The following ADRA1B variants were observed in gnomAD, a reference collection of about 807,000 sequenced individuals.
The protein encoded by ADRA1B is alpha-1B adrenergic receptor.
Under a neutral mutation model 17.9 loss-of-function variants are expected in ADRA1B, and 17 were observed. That is an observed-to-expected ratio of 0.95 (90% confidence interval 0.65 to 1.42). The LOEUF (loss-of-function observed/expected upper bound fraction) is 1.42. ADRA1B is among the 40% of genes most tolerant of loss of function. The pLI is 0.00. For synonymous variants in ADRA1B, 366 were observed against 327.6 expected, an observed-to-expected ratio of 1.12 and a Z score of -1.27; for missense variants, 681 against 722.1, an observed-to-expected ratio of 0.94 and a Z score of 0.65.
intron 1 of ADRA1B, chr5:159,947,600 T>C (rs556764046): frequency 1.6e-6 from 1 of 624,910 alleles, no homozygotes; most frequent in South Asian, 7.1e-5. Context: ...CCTTTTACAT[T>C]CTTTTTTTCA....
At chr5:159,941,958 T>C (rs1755143290) in intron 1 of ADRA1B, among the ~76,000 whole-genome samples, 1 of 148,158 alleles carries the variant, frequency 6.7e-6, no homozygotes, top group Admixed American at 6.8e-5. Flanking sequence ...AGTCTCGCTC[T>C]GTCACCCAGG....
intron 1 of ADRA1B, among the ~76,000 whole-genome samples, chr5:159,892,954 G>A (rs1000479593): frequency 6.6e-6 from 1 of 152,196 alleles, no homozygotes; most frequent in Non-Finnish European, 1.5e-5. Flanking sequence ...CCCACCAACT[G>A]TGTAAAATCA....
At chr5:159,958,556 G>T (rs532842468) in intron 1 of ADRA1B, among the ~76,000 whole-genome samples, 1 of 151,948 alleles carries the variant, frequency 6.6e-6, no homozygotes, top group African/African-American at 2.4e-5. Flanking sequence ...CATTGATCTG[G>T]ATATTTTTCT....
At chr5:159,948,373 T>G in intron 1 of ADRA1B, 1 of 985,418 alleles carries the variant, frequency 1.0e-6, no homozygotes, top group Non-Finnish European at 1.2e-6. Context: ...ATAACTCTCA[T>G]TTCAACATGA....
chr5:159,979,891 A>G, the ADRA1B span, among the ~76,000 whole-genome samples: 134 of 151,784 alleles, frequency 8.8e-4, no homozygotes, highest in African/African-American at 3.1e-3. Flanking sequence ...CATGTGGCCA[A>G]GTAGAGAGGG....
chr5:159,914,951 A>C (rs989091218), upstream of ADRA1B, among the ~76,000 whole-genome samples: 10 of 152,216 alleles, frequency 6.6e-5, no homozygotes, highest in Non-Finnish European at 2.9e-5. Context: ...TCAGGAATCA[A>C]CTGACTCTCT....
At chr5:159,873,301 C>T (rs1463333138) in intron 1 of ADRA1B, among the ~76,000 whole-genome samples, 1 of 152,122 alleles carries the variant, frequency 6.6e-6, no homozygotes, top group Non-Finnish European at 1.5e-5. Context: ...AAGATCTGGG[C>T]TTTTTGAAGG....
At chr5:159,915,293 C>T (rs1261322004), upstream of ADRA1B, among the ~76,000 whole-genome samples, 2 of 152,164 alleles carry the variant, frequency 1.3e-5, no homozygotes, top group Non-Finnish European at 2.9e-5. Context: ...TAAACTTCCC[C>T]ATAATTTGGT....
At chr5:159,885,783 G>A (rs1057427514) in intron 1 of ADRA1B, among the ~76,000 whole-genome samples, 15 of 152,124 alleles carry the variant, frequency 9.9e-5, no homozygotes, top group African/African-American at 3.6e-4. Flanking sequence ...GAGCTGCAAC[G>A]AAAAACATCC....
chr5:159,877,305 C>A (rs1386871411), intron 1 of ADRA1B, among the ~76,000 whole-genome samples: 1 of 152,112 alleles, frequency 6.6e-6, no homozygotes, highest in Non-Finnish European at 1.5e-5. Flanking sequence ...GACCCGGGGA[C>A]AATAGGAGAA....
chr5:159,940,871 T>C (rs1270551536), intron 1 of ADRA1B, among the ~76,000 whole-genome samples: 1 of 152,204 alleles, frequency 6.6e-6, no homozygotes, highest in African/African-American at 2.4e-5. Flanking sequence ...ACTGGTGAGC[T>C]AAAAGGAGAT....
At chr5:159,961,100 T>TTA (rs995714932) in intron 1 of ADRA1B, among the ~76,000 whole-genome samples, 48 of 152,366 alleles carry the variant, frequency 3.2e-4, no homozygotes, top group African/African-American at 1.2e-3. Context: ...AGAAATTCCC[T>TTA]AGTGTTTAAG....
intron 1 of ADRA1B, among the ~76,000 whole-genome samples, chr5:159,938,511 A>C (rs1755016909): frequency 6.6e-6 from 1 of 152,208 alleles, no homozygotes; most frequent in Non-Finnish European, 1.5e-5. Flanking sequence ...AGAATGGGTA[A>C]TGAGACTAGA....
upstream of ADRA1B, among the ~76,000 whole-genome samples, chr5:159,913,833 C>T (rs1754251965): frequency 6.6e-6 from 1 of 152,124 alleles, no homozygotes; most frequent in African/African-American, 2.4e-5. Flanking sequence ...GGAAATGGGC[C>T]ACCACAATCA....
At chr5:159,865,745 A>G (rs1753644891) in intron 1 of ADRA1B, among the ~76,000 whole-genome samples, 1 of 152,172 alleles carries the variant, frequency 6.6e-6, no homozygotes, top group Non-Finnish European at 1.5e-5. Context: ...TGCTGTTCAT[A>G]ATACCTATGG....
chr5:159,919,187 C>G (rs1754410396), intron 1 of ADRA1B, among the ~76,000 whole-genome samples: 1 of 152,156 alleles, frequency 6.6e-6, no homozygotes, highest in Non-Finnish European at 1.5e-5. Flanking sequence ...CAGGCTAATG[C>G]CTTTCAGAAA....
chr5:159,947,554 G>A (rs571750334), intron 1 of ADRA1B: 25 of 238,338 alleles, frequency 1.0e-4, no homozygotes, highest in Middle Eastern at 4.3e-3. Flanking sequence ...TCAATACTTG[G>A]TTGTTGCAAT....
At chr5:159,912,501 T>G (rs940816866), upstream of ADRA1B, among the ~76,000 whole-genome samples, 1 of 152,202 alleles carries the variant, frequency 6.6e-6, no homozygotes, top group South Asian at 2.1e-4. Flanking sequence ...TCCCTTTCCC[T>G]CCCCTCCCTG....
intron 1 of ADRA1B, among the ~76,000 whole-genome samples, chr5:159,940,782 T>G (rs1755103010): frequency 6.6e-6 from 1 of 152,206 alleles, no homozygotes; most frequent in Admixed American, 6.5e-5. Flanking sequence ...TAGTTTTTAT[T>G]TTCTTTTCCT....
Sources: gnomAD v4.1 joint callset for allele counts (sites outside exome capture counted in the v4.1 genomes callset) on GRCh38, gnomAD v4.1.1 for gene constraint, MANE v1.5 for transcripts, NCBI Gene and HGNC (gene_info 2026-07-23, HGNC 2026-07-21) for gene names.